The following ADAMTS12 variants were observed in gnomAD, a reference collection of about 807,000 sequenced individuals.
ADAMTS12 encodes A disintegrin and metalloproteinase with thrombospondin motifs 12.
A neutral mutation model predicts 167.8 loss-of-function variants in ADAMTS12; 118 were observed. The observed-to-expected ratio is 0.70, with a 90% confidence interval of 0.61 to 0.82. The LOEUF is 0.82. ADAMTS12 is among the 40% of genes least tolerant of loss of function. ADAMTS12 has a pLI of 0.00. For synonymous variants in ADAMTS12, 704 were observed against 716.9 expected, an observed-to-expected ratio of 0.98 and a Z score of 0.29; for missense variants, 1,916 against 1,998.8, an observed-to-expected ratio of 0.96 and a Z score of 0.79.
At chr5:33,586,720 A>C (rs1747371909) in intron 18 of ADAMTS12, among the ~76,000 whole-genome samples, 2 of 152,240 alleles carry the variant, frequency 1.3e-5, no homozygotes, top group South Asian at 4.1e-4. Context: ...CAGATTTAAT[A>C]GGCCAGTCAC....
rs568105765 is a variant in ADAMTS12, at chr5:33,586,221, A to G, written c.2865+2378T>C. 2.0e-5 allele frequency among the ~76,000 whole-genome samples: 3 copies of G among 152,336 alleles called. No individual in the cohort carries two copies. In the East Asian group the frequency reaches 5.8e-4, roughly 29 times the overall value. On this transcript the variant is annotated intron_variant, in intron 18 of 23. Coordinates refer to ENST00000504830, the MANE Select transcript of ADAMTS12 (RefSeq NM_030955.4). ...AATCACTATGTCACCTCTCTTTAAAAAAAGTATCTGGGCATAGTTAGAATG... is the reference window on the plus strand; with the variant it reads ...AATCACTATGTCACCTCTCTTTAAAGAAAGTATCTGGGCATAGTTAGAATG...
rs770708548 is a variant in ADAMTS12, at chr5:33,562,969, C to T, written c.3973-1790G>A. Among the ~76,000 whole-genome samples, 5 of 152,080 alleles carry T rather than the reference C, an allele frequency of 3.3e-5. No homozygotes were observed. In the East Asian group the frequency reaches 5.8e-4, roughly 18 times the overall value. On this transcript the variant is annotated intron_variant, in intron 19 of 23. Coordinates refer to ENST00000504830, the MANE Select transcript of ADAMTS12 (RefSeq NM_030955.4). ...ATAATTTTATGTTTCATTTTGTGCACGTTCTTGTGTTACAACACATATATA... is the reference window on the plus strand; with the variant it reads ...ATAATTTTATGTTTCATTTTGTGCATGTTCTTGTGTTACAACACATATATA...
chr5:33,688,483 G>A (rs758056364), intron 3 of ADAMTS12, among the ~76,000 whole-genome samples: 22 of 152,158 alleles, frequency 1.4e-4, no homozygotes, highest in Admixed American at 2.6e-4. Context: ...GCAATTTACC[G>A]AGTACTTTTT....
intron 3 of ADAMTS12, among the ~76,000 whole-genome samples, chr5:33,721,559 T>G (rs1054224161): frequency 6.6e-6 from 1 of 152,184 alleles, no homozygotes; most frequent in Non-Finnish European, 1.5e-5. Flanking sequence ...GATTGCCACC[T>G]GCAAAATTAT....
At chr5:33,881,511 G>C in intron 1 of ADAMTS12, 31 bp from the exon 2 acceptor site, 1 of 1,594,436 alleles carries the variant, frequency 6.3e-7, no homozygotes, top group Non-Finnish European at 8.5e-7. Flanking sequence ...GAAGAACAGT[G>C]AGGGAGATTG....
chr5:33,828,355 A>G (rs1017823702), intron 2 of ADAMTS12, among the ~76,000 whole-genome samples: 4 of 151,998 alleles, frequency 2.6e-5, no homozygotes, highest in Admixed American at 6.6e-5. Flanking sequence ...GCTTTTGTCA[A>G]TTTTTCTACC....
chr5:33,774,840 GTTAA>G (rs1237162314), intron 2 of ADAMTS12, among the ~76,000 whole-genome samples: 2 of 152,114 alleles, frequency 1.3e-5, no homozygotes, highest in Non-Finnish European at 1.5e-5. Flanking sequence ...TCTTTAATGA[GTTAA>G]TTAAACTTTC....
rs116529456 is a variant in ADAMTS12, at chr5:33,681,823, A to T, written c.915+1195T>A. On this transcript the variant is annotated intron_variant, in intron 5 of 23. Coordinates refer to ENST00000504830, the MANE Select transcript of ADAMTS12 (RefSeq NM_030955.4). The stretch of plus-strand genomic sequence containing the variant: ...CATAGACAGTGAGTATGAGAGTAGG[A>T]AACAAGGAAGAGAGTAACATAACCA... Among the ~76,000 whole-genome samples, 201 of 152,282 alleles carry T rather than the reference A, an allele frequency of 1.3e-3. 1 individual carries two copies. The highest frequency in any genetic ancestry group is 2.5e-3 in the Non-Finnish European group (169 of 68,020).
chr5:33,620,545 T>C (rs2040564195), intron 14 of ADAMTS12, among the ~76,000 whole-genome samples: 1 of 152,252 alleles, frequency 6.6e-6, no homozygotes, highest in South Asian at 2.1e-4. Flanking sequence ...ACAGTATTAC[T>C]ACAGTCACTT....
chr5:33,632,766 T>C (rs1740009133), intron 12 of ADAMTS12, among the ~76,000 whole-genome samples: 1 of 152,308 alleles, frequency 6.6e-6, no homozygotes, highest in South Asian at 2.1e-4. Flanking sequence ...AACTTTAGAA[T>C]TGGATTTGGG....
intron 2 of ADAMTS12, among the ~76,000 whole-genome samples, chr5:33,865,180 G>T (rs922062719): frequency 3.3e-5 from 5 of 151,656 alleles, no homozygotes; most frequent in African/African-American, 1.2e-4. Context: ...ATAATAAAAA[G>T]AACTACAAAC....
At chr5:33,804,412 A>G (rs10941090) in intron 2 of ADAMTS12, among the ~76,000 whole-genome samples, 23,464 of 152,166 alleles carry the variant, frequency 0.15, 2,310 homozygotes, top group East Asian at 0.34. Context: ...GAACATACAG[A>G]GAGCAGACCT....
At position 33,588,665 on chromosome 5, in the gene ADAMTS12, C is replaced by T. The variant is rs1747481913; in HGVS notation, c.2799G>A (p.Lys933=). The T allele has an allele frequency of 6.2e-7, 1 of 1,614,026 alleles. No individual in the cohort carries two copies. The highest frequency in any genetic ancestry group is 1.3e-5 in the African/African-American group (1 of 74,924). Residue 933 remains lysine (K), a synonymous_variant, in exon 18 of 24, where the codon AAG becomes AAA. Transcript: ENST00000504830. ...PTDCQHLLKP[K]TLLSCNRDIL... is the part of the protein sequence containing the mutation. ...TGTCTCTGTTGCAGGAAAGGAGGGT[C>T]TTGGGCTTCAGCAGGTGCTGGCAGT...
chr5:33,801,147 A>G (rs992443411), intron 2 of ADAMTS12, among the ~76,000 whole-genome samples: 6 of 152,226 alleles, frequency 3.9e-5, no homozygotes, highest in Non-Finnish European at 2.9e-5. Flanking sequence ...GAGGGAGTGC[A>G]GTCTTGCTAA....
chr5:33,698,627 C>CCCATTTCCCCAATAGGT (rs11276005), intron 3 of ADAMTS12, among the ~76,000 whole-genome samples: 115,562 of 151,614 alleles, frequency 0.76, 44,274 homozygotes, highest in South Asian at 0.87. Context: ...TATCACTAGC[C>CCCATTTCCCCAATAGGT]CCATTACATT....
chr5:33,648,826 A>C lies in ADAMTS12; in HGVS notation c.1475T>G (p.Val492Gly), dbSNP rs1337498372. The change falls in exon 9 of 24, where the codon GTA (valine) becomes GGA (glycine). Residue 492 changes from valine (V) to glycine (G), a missense_variant. By Grantham distance (109) the Val-to-Gly change is moderately radical (BLOSUM62 -3). Coordinates refer to ENST00000504830, the MANE Select transcript of ADAMTS12 (RefSeq NM_030955.4). ...YGPNATFCQE[V>G]ENVCQTLWCS... ...GCCACCAAGAGGTACACTTACTTCT[A>C]CTTCCTGGCAGAAGGTAGCATTGGG... The C allele has an allele frequency of 6.2e-7, 1 of 1,613,986 alleles. No homozygotes were observed.
chr5:33,616,224 T>C (rs1020409367), intron 14 of ADAMTS12, 152 bp from the exon 15 acceptor site: 18 of 1,062,130 alleles, frequency 1.7e-5, no homozygotes, highest in Admixed American at 5.7e-5. Context: ...GCACTACTTA[T>C]GGGGGATTTT....
In ADAMTS12 at chr5:33,535,898, A is replaced by G. The variant is rs1198124616; in HGVS notation, c.4447-906T>C. ...AGCATGGAAGCTGGGGAAGAAGCAG[A>G]GCAACAGCGGACCCAGCTCTGTGCC... On this transcript the variant is annotated intron_variant, in intron 22 of 23. Coordinates refer to ENST00000504830, the MANE Select transcript of ADAMTS12 (RefSeq NM_030955.4). Among the ~76,000 whole-genome samples the G allele has an allele frequency of 2.0e-5, 3 of 152,032 alleles. No individual in the cohort carries two copies. The East Asian group carries it at 5.8e-4, about 30-fold the overall frequency.
intron 2 of ADAMTS12, among the ~76,000 whole-genome samples, chr5:33,770,071 T>C (rs1480140856): frequency 6.6e-6 from 1 of 152,130 alleles, no homozygotes; most frequent in Non-Finnish European, 1.5e-5. Flanking sequence ...TTTTTAATAA[T>C]ATAATGGTCC....
Sources: gnomAD v4.1 joint callset for allele counts (sites outside exome capture counted in the v4.1 genomes callset) on GRCh38, gnomAD v4.1.1 for gene constraint, MANE v1.5 for transcripts, NCBI Gene and HGNC (gene_info 2026-07-23, HGNC 2026-07-21) for gene names.